Variants in CA10 observed in about 807,000 individuals in gnomAD.
The protein encoded by CA10 is carbonic anhydrase-related protein 10.
Under a neutral mutation model 44.2 loss-of-function variants are expected in CA10, and 14 were observed. The ratio of observed to expected loss-of-function variants is 0.32; its 90% CI spans 0.21 to 0.50. The LOEUF (loss-of-function observed/expected upper bound fraction) is 0.50, where lower values mean the gene tolerates loss of function less well. CA10 is among the 20% of genes least tolerant of loss of function. The pLI is 0.99. For missense variants in CA10, 350 were observed against 409.7 expected (o/e 0.85, Z 1.26); for synonymous variants, 159 against 141.6 (o/e 1.12, Z -0.87).
chr17:52,108,114 ATGAATAAT>A (rs1988699024), intron 1 of CA10, among the ~76,000 whole-genome samples: 1 of 150,140 alleles, frequency 6.7e-6, no homozygotes, highest in African/African-American at 2.4e-5. Context: ...GCACTTTGAA[ATGAATAAT>A]TGTATTTGCT....
At chr17:51,767,572 A>G (rs1905432734) in intron 3 of CA10, among the ~76,000 whole-genome samples, 1 of 152,010 alleles carries the variant, frequency 6.6e-6, no homozygotes, top group Admixed American at 6.6e-5. Context: ...GTGGAAGACT[A>G]TTTTTCTAGG....
chr17:51,827,819 A>G (rs566316724), intron 3 of CA10, among the ~76,000 whole-genome samples: 1 of 152,276 alleles, frequency 6.6e-6, no homozygotes, highest in Non-Finnish European at 1.5e-5. Context: ...TGCATCTCCC[A>G]GCTTTCCTTA....
intron 3 of CA10, among the ~76,000 whole-genome samples, chr17:51,789,905 T>A (rs1205430277): frequency 1.3e-5 from 2 of 152,206 alleles, no homozygotes; most frequent in African/African-American, 4.8e-5. Context: ...GGGATGAAGA[T>A]CGGTGATGTC....
At chr17:51,638,402 C>A (rs1375308570) in intron 6 of CA10, among the ~76,000 whole-genome samples, 2 of 152,184 alleles carry the variant, frequency 1.3e-5, no homozygotes, top group South Asian at 4.1e-4. Context: ...AATGTTTCTA[C>A]CTTTCCGTCA....
intron 2 of CA10, among the ~76,000 whole-genome samples, chr17:51,933,199 T>TA (rs1288519209): frequency 6.6e-6 from 1 of 152,176 alleles, no homozygotes; most frequent in Non-Finnish European, 1.5e-5. Context: ...GTGAATATGC[T>TA]ATCTTAGATG....
intron 2 of CA10, among the ~76,000 whole-genome samples, chr17:51,942,172 G>A (rs1472922940): frequency 2.0e-5 from 3 of 152,038 alleles, no homozygotes; most frequent in African/African-American, 4.8e-5. Flanking sequence ...GTTCCAGTCT[G>A]TCTTGAGGTT....
chr17:51,834,473 C>T (rs769423962), intron 3 of CA10, among the ~76,000 whole-genome samples: 7 of 152,168 alleles, frequency 4.6e-5, no homozygotes, highest in African/African-American at 7.2e-5. Flanking sequence ...AAAGGGAAGT[C>T]GCTTGTTGTC....
chr17:51,928,606 A>G (rs1295235511), intron 3 of CA10, among the ~76,000 whole-genome samples: 1 of 152,160 alleles, frequency 6.6e-6, no homozygotes, highest in African/African-American at 2.4e-5. Flanking sequence ...CAAAACATGT[A>G]GTTACTAGGC....
chr17:52,118,072 G>T (rs906239000), intron 1 of CA10, among the ~76,000 whole-genome samples: 1 of 152,146 alleles, frequency 6.6e-6, no homozygotes. Flanking sequence ...TTTGTAGAGG[G>T]TTATAAAAGG....
intron 2 of CA10, among the ~76,000 whole-genome samples, chr17:51,937,932 C>G (rs1188836077): frequency 6.6e-6 from 1 of 152,122 alleles, no homozygotes; most frequent in Non-Finnish European, 1.5e-5. Flanking sequence ...ATCATCTCCT[C>G]AAACAGAGAT....
chr17:51,974,399 CA>C (rs910068331), intron 2 of CA10, among the ~76,000 whole-genome samples: 87 of 64,122 alleles, frequency 1.4e-3, no homozygotes, highest in African/African-American at 4.9e-3. Context: ...AAAAAAAAAA[CA>C]AAAACAAAAG....
At chr17:51,696,377 T>G (rs1915402483) in intron 4 of CA10, among the ~76,000 whole-genome samples, 2 of 152,206 alleles carry the variant, frequency 1.3e-5, no homozygotes, top group Admixed American at 1.3e-4. Context: ...TTCCGTTTAA[T>G]CTTGGGAGGT....
At chr17:51,883,462 A>C (rs1980465146) in intron 3 of CA10, among the ~76,000 whole-genome samples, 1 of 152,182 alleles carries the variant, frequency 6.6e-6, no homozygotes, top group African/African-American at 2.4e-5. Context: ...TCATGAATAT[A>C]TGCTAATGAT....
At chr17:52,087,197 G>T (rs1460874350) in intron 1 of CA10, among the ~76,000 whole-genome samples, 1 of 152,228 alleles carries the variant, frequency 6.6e-6, no homozygotes, top group Non-Finnish European at 1.5e-5. Context: ...CTGGAGGGCA[G>T]TGGCCTGATG....
chr17:51,943,189 T>C (rs915303047), intron 2 of CA10, among the ~76,000 whole-genome samples: 3 of 152,204 alleles, frequency 2.0e-5, no homozygotes, highest in African/African-American at 7.2e-5. Context: ...CTAATTTAAA[T>C]ACTAATCCCT....
chr17:51,771,793 G>A (rs1343361457), intron 3 of CA10, among the ~76,000 whole-genome samples: 2 of 152,200 alleles, frequency 1.3e-5, no homozygotes, highest in African/African-American at 4.8e-5. Context: ...GAGGAGACCA[G>A]TGAGGCGAGG....
chr17:52,121,099 A>C (rs911962748), intron 1 of CA10, among the ~76,000 whole-genome samples: 1 of 152,194 alleles, frequency 6.6e-6, no homozygotes, highest in Non-Finnish European at 1.5e-5. Context: ...ACTGGTTTCC[A>C]TGTCTTTGCC....
At chr17:51,702,117 C>A (rs1915623712) in intron 4 of CA10, among the ~76,000 whole-genome samples, 1 of 147,438 alleles carries the variant, frequency 6.8e-6, no homozygotes, top group Admixed American at 6.6e-5. Context: ...AAAAATCATT[C>A]ATTTGTTCAC....
chr17:51,925,684 C>A (rs1004654401), intron 3 of CA10, among the ~76,000 whole-genome samples: 1 of 151,992 alleles, frequency 6.6e-6, no homozygotes, highest in African/African-American at 2.4e-5. Flanking sequence ...TGGATGCAAC[C>A]CAAATGTCTA....
Sources: allele counts gnomAD v4.1 joint callset (sites outside exome capture counted in the v4.1 genomes callset), GRCh38; gene constraint gnomAD v4.1.1; transcripts MANE v1.5; gene names NCBI Gene and HGNC (gene_info 2026-07-23, HGNC 2026-07-21).